Variants in FAM120B observed in about 807,000 individuals in gnomAD.
FAM120B encodes the protein constitutive coactivator of peroxisome proliferator-activated receptor gamma.
FAM120B carries 83 observed loss-of-function variants against 96.3 expected under a neutral mutation model. That is an observed-to-expected ratio of 0.86 (90% CI 0.72 to 1.03). The LOEUF (loss-of-function observed/expected upper bound fraction) is 1.03. Among genes scored for constraint, FAM120B ranks in the 50% least tolerant of loss-of-function variants. The pLI is 0.00. For synonymous variants in FAM120B, 407 were observed against 402.7 expected (o/e 1.01, Z -0.13); for missense variants, 1,027 against 1,121.2 (o/e 0.92, Z 1.20).
chr6:170,400,378 G>A (rs1487388737), intron 9 of FAM120B, among the ~76,000 whole-genome samples: 5 of 152,160 alleles, frequency 3.3e-5, no homozygotes, highest in Non-Finnish European at 7.4e-5. Context: ...GGCAGGTGGA[G>A]TGGGACCTGT....
chr6:170,388,251 G>T, intron 6 of FAM120B, 36 bp from the exon 7 acceptor site: 1 of 1,589,384 alleles, frequency 6.3e-7, no homozygotes, highest in Non-Finnish European at 8.6e-7. Flanking sequence ...TGTGACTCCT[G>T]TCTTACATTT....
At chr6:170,388,116 T>C (rs1426267658) in intron 6 of FAM120B, among the ~76,000 whole-genome samples, 171 bp from the exon 7 acceptor site, 1 of 152,232 alleles carries the variant, frequency 6.6e-6, no homozygotes, top group Non-Finnish European at 1.5e-5. Flanking sequence ...CCAAGGCCTC[T>C]GTAATCAGTA....
chr6:170,319,157 T>C (rs529351293), intron 2 of FAM120B, 33 bp downstream of exon 2: 9 of 1,509,732 alleles, frequency 6.0e-6, no homozygotes, highest in Middle Eastern at 1.8e-4. Flanking sequence ...TATGCCATGA[T>C]TGAAAATATA....
intron 2 of FAM120B, among the ~76,000 whole-genome samples, chr6:170,322,315 C>T (rs9356590): frequency 0.24 from 35,921 of 152,056 alleles, 4,570 homozygotes; most frequent in East Asian, 0.33. Context: ...CAGACAGCTG[C>T]GTTACAGGGA....
chr6:170,386,730 A>G (rs889134647), intron 6 of FAM120B, among the ~76,000 whole-genome samples: 8 of 152,242 alleles, frequency 5.3e-5, no homozygotes, highest in African/African-American at 1.7e-4. Flanking sequence ...AGAAGAAGGA[A>G]GGCTTTCCAA....
chr6:170,297,770 C>T (rs1784050141), intron 1 of FAM120B: 1 of 152,170 alleles, frequency 6.6e-6, no homozygotes. Context: ...CGGAGTGTGG[C>T]TCCCCAAATG....
chr6:170,295,471 G>A lies in FAM120B; in HGVS notation c.48+18G>A. 3 of 698,502 alleles carry A rather than the reference G, an allele frequency of 4.3e-6. No homozygotes were observed. The highest frequency in any genetic ancestry group is 7.8e-6 in the Non-Finnish European group (3 of 383,132). 43.3% of individuals were successfully genotyped at this position (698,502 alleles called of 1,614,324 possible). ...GGAAGGAGGTGAGCGCCGCCCGCGT[G>A]CACACAAGGCGCGCGGCCCCCAGGC... On this transcript the variant is annotated intron_variant, in intron 1 of 10. Coordinates refer to the FAM120B transcript ENST00000537664. The surrounding 1 kb of genome is among the most constrained non-coding windows in gnomAD (Gnocchi z 7.8).
chr6:170,299,451 T>G (rs1784096159), intron 1 of FAM120B, among the ~76,000 whole-genome samples: 1 of 152,228 alleles, frequency 6.6e-6, no homozygotes, highest in South Asian at 2.1e-4. Flanking sequence ...GGCTTATCAG[T>G]TGTATCAGTC....
intron 4 of FAM120B, among the ~76,000 whole-genome samples, chr6:170,339,392 A>G (rs1417801945): frequency 1.3e-5 from 2 of 152,000 alleles, no homozygotes; most frequent in Non-Finnish European, 2.9e-5. Flanking sequence ...ATTCCATTCC[A>G]TTCTAGAAAT....
At chr6:170,371,757 A>T (rs2115252163) in intron 6 of FAM120B, among the ~76,000 whole-genome samples, 1 of 152,316 alleles carries the variant, frequency 6.6e-6, no homozygotes, top group Non-Finnish European at 1.5e-5. Flanking sequence ...TCAGGCCTTG[A>T]AGAGTGTCTG....
chr6:170,360,362 C>T (rs543454814), intron 6 of FAM120B, among the ~76,000 whole-genome samples: 3 of 152,308 alleles, frequency 2.0e-5, no homozygotes, highest in East Asian at 1.9e-4. Flanking sequence ...ATTCGATCTT[C>T]GTTTCCACAC....
At chr6:170,372,442 G>A (rs933242413) in intron 6 of FAM120B, among the ~76,000 whole-genome samples, 2 of 151,938 alleles carry the variant, frequency 1.3e-5, no homozygotes, top group African/African-American at 2.4e-5. Flanking sequence ...TTTAAATTCA[G>A]CCTTGCCTGG....
chr6:170,353,148 C>T (rs1787685641), intron 5 of FAM120B, among the ~76,000 whole-genome samples: 1 of 152,176 alleles, frequency 6.6e-6, no homozygotes, highest in South Asian at 2.1e-4. Context: ...TTCCTGCACA[C>T]ATATGCCTTC....
chr6:170,376,044 C>G (rs559174550), intron 6 of FAM120B, among the ~76,000 whole-genome samples: 6 of 152,150 alleles, frequency 3.9e-5, no homozygotes, highest in Non-Finnish European at 5.9e-5. Flanking sequence ...TAATGAATTA[C>G]CTGGGACAGC....
intron 2 of FAM120B, among the ~76,000 whole-genome samples, chr6:170,321,711 G>C (rs1785298437): frequency 6.6e-6 from 1 of 152,148 alleles, no homozygotes; most frequent in Non-Finnish European, 1.5e-5. Flanking sequence ...TGCATTGGCA[G>C]TGAGCTGCAA....
intron 9 of FAM120B, among the ~76,000 whole-genome samples, chr6:170,399,646 T>C: frequency 7.5e-6 from 1 of 132,786 alleles, no homozygotes; most frequent in Non-Finnish European, 1.6e-5. Context: ...GTGGGGAAGG[T>C]AGAACTATGT....
chr6:170,344,432 G>A (rs535012343), intron 4 of FAM120B, among the ~76,000 whole-genome samples: 1 of 94,598 alleles, frequency 1.1e-5, no homozygotes, highest in East Asian at 3.8e-4. Context: ...TTGGAAGAAC[G>A]GATGAAATCG....
At chr6:170,342,545 G>A (rs1407198271) in intron 4 of FAM120B, among the ~76,000 whole-genome samples, 1 of 152,164 alleles carries the variant, frequency 6.6e-6, no homozygotes, top group Non-Finnish European at 1.5e-5. Context: ...CTCAGGAGGT[G>A]CGTTCACAAC....
chr6:170,349,792 G>T (rs1787456169), intron 5 of FAM120B, among the ~76,000 whole-genome samples: 1 of 152,176 alleles, frequency 6.6e-6, no homozygotes, highest in Non-Finnish European at 1.5e-5. Context: ...AGTGAATTCA[G>T]CACCTTCAAC....
Sources: allele counts gnomAD v4.1 joint callset (sites outside exome capture counted in the v4.1 genomes callset), GRCh38; gene constraint gnomAD v4.1.1; non-coding constraint Gnocchi (gnomAD v3.1); transcripts MANE v1.5; gene names NCBI Gene and HGNC (gene_info 2026-07-23, HGNC 2026-07-21).